FIGN: variants seen among roughly 807,000 people sequenced by gnomAD.
FIGN encodes fidgetin, microtubule severing factor.
Under a neutral mutation model 51.3 loss-of-function variants are expected in FIGN, and 11 were observed. That is an observed-to-expected ratio of 0.21 (90% CI 0.13 to 0.35). FIGN has a LOEUF of 0.35. Among genes scored for constraint, FIGN ranks in the 10% least tolerant of loss-of-function variants. The probability of loss-of-function intolerance (pLI) is 1.00; values close to 1 mark genes in which losing one functional copy is unlikely to be tolerated. For synonymous variants in FIGN, 407 were observed against 363.2 expected (o/e 1.12, Z -1.37); for missense variants, 857 against 943.6 (o/e 0.91, Z 1.20).
chr2:163,646,162 A>G (rs1248366761), intron 2 of FIGN, among the ~76,000 whole-genome samples: 1 of 152,200 alleles, frequency 6.6e-6, no homozygotes, highest in African/African-American at 2.4e-5. Flanking sequence ...TGAATGAATG[A>G]ATCTGCTCAA....
At chr2:163,628,886 T>C (rs1683098565) in intron 2 of FIGN, among the ~76,000 whole-genome samples, 1 of 152,140 alleles carries the variant, frequency 6.6e-6, no homozygotes, top group African/African-American at 2.4e-5. Flanking sequence ...CTTCCCTGAA[T>C]CTAAGGAACT....
intron 2 of FIGN, among the ~76,000 whole-genome samples, chr2:163,678,042 C>A (rs1481892803): frequency 6.6e-6 from 1 of 152,166 alleles, no homozygotes; most frequent in Non-Finnish European, 1.5e-5. Context: ...CTATTTTTAA[C>A]ATCTTACATT....
At chr2:163,678,176 A>G (rs781177294) in intron 2 of FIGN, among the ~76,000 whole-genome samples, 10 of 152,138 alleles carry the variant, frequency 6.6e-5, no homozygotes, top group Non-Finnish European at 1.5e-4. Context: ...TCCCAGAATC[A>G]TCTCATCCAG....
At chr2:163,702,822 C>A (rs10497241) in intron 2 of FIGN, among the ~76,000 whole-genome samples, 84,023 of 151,878 alleles carry the variant, frequency 0.55, 26,149 homozygotes, top group Admixed American at 0.69. Context: ...TTGCTGTAAA[C>A]CTATATTTCA....
intron 2 of FIGN, among the ~76,000 whole-genome samples, chr2:163,728,947 A>G (rs1400362116): frequency 6.6e-6 from 1 of 152,224 alleles, no homozygotes; most frequent in Non-Finnish European, 1.5e-5. Context: ...AGTAAGTCAA[A>G]AGATAAGCAA....
rs370694236 is a variant in FIGN, at chr2:163,687,128, G to A, written c.25+47775C>T. On this transcript the variant is annotated intron_variant, in intron 2 of 2. Transcript: ENST00000333129. ...ATGATTCTCAGAGGCATTTGGAAGA[G>A]TTAGAGGAGAAAAGAAACAGAATGG... Among the ~76,000 whole-genome samples the A allele has an allele frequency of 6.6e-5, 10 of 152,280 alleles. No homozygotes were observed. In the South Asian group the frequency reaches 2.1e-3, roughly 32 times the overall value.
In FIGN at chr2:163,604,033, G is replaced by A. The variant is rs895216891; in HGVS notation, c.*5519C>T. ...TGACTCCACGTTTGTTAATTCCTTT[G>A]GGAAGTGCCATTTTTAATTTTTGGT... is the stretch of plus-strand genomic sequence containing the variant. On this transcript the variant is annotated 3_prime_UTR_variant, in exon 3 of 3. Coordinates refer to ENST00000333129, the MANE Select transcript of FIGN (RefSeq NM_018086.4). 9.9e-5 allele frequency: 15 copies of A among 152,050 alleles called. No individual in the cohort carries two copies. The highest frequency in any genetic ancestry group is 8.5e-4 in the Admixed American group (13 of 15,242). 9.4% of individuals were successfully genotyped at this position (152,050 alleles called of 1,614,324 possible).
At chr2:163,703,659 T>G (rs1280074354) in intron 2 of FIGN, among the ~76,000 whole-genome samples, 1 of 152,100 alleles carries the variant, frequency 6.6e-6, no homozygotes, top group African/African-American at 2.4e-5. Flanking sequence ...GTAGGGCTCC[T>G]TACTGAGGCC....
rs1436590408 is a variant in FIGN at position 163,607,885 on chromosome 2, A to C, written c.*1667T>G. ...ACTATCAATGAAAGGTTGCACATAA[A>C]GCATTAAAGGATACAAAGAACAACT... On this transcript the variant is annotated 3_prime_UTR_variant, in exon 3 of 3. Coordinates refer to ENST00000333129, the MANE Select transcript of FIGN (RefSeq NM_018086.4). 6.5e-6 allele frequency: 1 copy of C among 152,708 alleles called. No homozygotes were observed. The allele number at this position is 152,708 out of a possible 1,614,324, so 9.5% of individuals were successfully genotyped here.
intron 2 of FIGN, among the ~76,000 whole-genome samples, chr2:163,655,426 C>A (rs191902451): frequency 6.6e-6 from 1 of 152,178 alleles, no homozygotes; most frequent in East Asian, 1.9e-4. Context: ...CTATACAGCC[C>A]ATGACAGGTT....
intron 2 of FIGN, among the ~76,000 whole-genome samples, chr2:163,625,599 T>C (rs1220998036): frequency 6.6e-6 from 1 of 152,052 alleles, no homozygotes; most frequent in Non-Finnish European, 1.5e-5. Context: ...GACAAGAGTT[T>C]TTCCATGCAA....
At chr2:163,629,180 G>A (rs1417617945) in intron 2 of FIGN, among the ~76,000 whole-genome samples, 2 of 152,162 alleles carry the variant, frequency 1.3e-5, no homozygotes. Context: ...TAAGGAGTAG[G>A]AAATGAGGAT....
At chr2:163,696,834 AT>A (rs773678447) in intron 2 of FIGN, among the ~76,000 whole-genome samples, 16,175 of 135,618 alleles carry the variant, frequency 0.12, 1,627 homozygotes, top group African/African-American at 0.29. Context: ...TGTCTGGCTA[AT>A]TTTTTTTTTT....
chr2:163,722,117 T>C (rs1226016865), intron 2 of FIGN, among the ~76,000 whole-genome samples: 2 of 152,222 alleles, frequency 1.3e-5, no homozygotes, highest in Non-Finnish European at 1.5e-5. Context: ...AAAAGAGCTA[T>C]TGGGTGAAAT....
chr2:163,708,714 A>G (rs1006759990), intron 2 of FIGN, among the ~76,000 whole-genome samples: 7 of 152,162 alleles, frequency 4.6e-5, no homozygotes, highest in Non-Finnish European at 8.8e-5. Flanking sequence ...GAATCCTGCT[A>G]GATGGGGGCA....
chr2:163,615,559 A>G (rs1682861943), intron 2 of FIGN, among the ~76,000 whole-genome samples: 1 of 152,180 alleles, frequency 6.6e-6, no homozygotes, highest in Non-Finnish European at 1.5e-5. Context: ...AACAACAAAA[A>G]CATCCTGCTT....
At chr2:163,651,073 C>G (rs966392927) in intron 2 of FIGN, among the ~76,000 whole-genome samples, 4 of 152,188 alleles carry the variant, frequency 2.6e-5, no homozygotes, top group Non-Finnish European at 5.9e-5. Context: ...AATTAAGTAA[C>G]GTTCTGCACA....
rs1691126397 is a variant in FIGN at position 163,607,098 on chromosome 2, G to A, written c.*2454C>T. Reference sequence around the variant, plus strand: ...AATAAGACTGGGTTTGTCAAAACTTGCCAGACGCTTTCAAGTGAACACAGC... The same window carrying A: ...AATAAGACTGGGTTTGTCAAAACTTACCAGACGCTTTCAAGTGAACACAGC... On this transcript the variant is annotated 3_prime_UTR_variant, in exon 3 of 3. Transcript: ENST00000333129. 6.6e-6 allele frequency: 1 copy of A among 152,138 alleles called. No individual in the cohort carries two copies. Among genetic ancestry groups the A allele is most frequent in the Non-Finnish European group, 1.5e-5 (1 of 68,032 alleles). The allele number at this position is 152,138 out of a possible 1,614,324, so 9.4% of individuals were successfully genotyped here.
intron 2 of FIGN, among the ~76,000 whole-genome samples, chr2:163,669,968 G>A (rs1456550153): frequency 2.6e-5 from 4 of 151,868 alleles, no homozygotes; most frequent in African/African-American, 9.7e-5. Context: ...ACTCTTCCAA[G>A]GACCAAAAGA....
Sources: gnomAD v4.1 joint callset for allele counts (sites outside exome capture counted in the v4.1 genomes callset) on GRCh38, gnomAD v4.1.1 for gene constraint, MANE v1.5 for transcripts, NCBI Gene and HGNC (gene_info 2026-07-23, HGNC 2026-07-21) for gene names.